SDCCAG8: variants seen among roughly 807,000 people sequenced by gnomAD.
SDCCAG8 encodes serologically defined colon cancer antigen 8.
Under a neutral mutation model 101.8 loss-of-function variants are expected in SDCCAG8, and 74 were observed. That is an observed-to-expected ratio of 0.73 (90% confidence interval 0.60 to 0.88). The LOEUF is 0.88. Ranked by LOEUF, SDCCAG8 falls within the 40% of genes least tolerant of loss-of-function variation. The pLI, the probability that SDCCAG8 is intolerant of heterozygous loss-of-function variation, is 0.00. For synonymous variants in SDCCAG8, 281 were observed against 292.9 expected, an observed-to-expected ratio of 0.96 and a Z score of 0.41; for missense variants, 787 against 822.6, an observed-to-expected ratio of 0.96 and a Z score of 0.53.
At chr1:243,488,583 AT>A (rs1665580298) in intron 16 of SDCCAG8, 1 of 230,378 alleles carries the variant, frequency 4.3e-6, no homozygotes, top group Non-Finnish European at 8.7e-6. Context: ...TGACTGAGTG[AT>A]TAATAATGGA....
At chr1:243,268,930 G>A (rs1334115742) in intron 1 of SDCCAG8, among the ~76,000 whole-genome samples, 1 of 151,222 alleles carries the variant, frequency 6.6e-6, no homozygotes, top group Non-Finnish European at 1.5e-5. Flanking sequence ...CGCGGGGAGG[G>A]CTTTTCTCTT....
chr1:243,258,153 C>A (rs1558192064), intron 1 of SDCCAG8, among the ~76,000 whole-genome samples: 1 of 151,338 alleles, frequency 6.6e-6, no homozygotes, highest in Admixed American at 6.6e-5. Context: ...AAACATTTCA[C>A]CAAGAGCAAA....
intron 9 of SDCCAG8, among the ~76,000 whole-genome samples, chr1:243,324,775 G>C (rs2074027033): frequency 1.3e-5 from 2 of 152,052 alleles, no homozygotes. Flanking sequence ...TGTTTAGGTA[G>C]CTCCCCTCTT....
At chr1:243,372,796 A>G in intron 12 of SDCCAG8, among the ~76,000 whole-genome samples, 1 of 151,584 alleles carries the variant, frequency 6.6e-6, no homozygotes, top group East Asian at 1.9e-4. Context: ...GGAGTTCAAG[A>G]CCAGCCTGCG....
At chr1:243,294,709 C>CCA in intron 6 of SDCCAG8, among the ~76,000 whole-genome samples, 1 of 136,428 alleles carries the variant, frequency 7.3e-6, no homozygotes, top group East Asian at 2.2e-4. Flanking sequence ...CCCCCCCCCC[C>CCA]ACAGCTGCCT....
chr1:243,490,236 C>G (rs1666061196), intron 17 of SDCCAG8, among the ~76,000 whole-genome samples: 1 of 152,236 alleles, frequency 6.6e-6, no homozygotes, highest in Non-Finnish European at 1.5e-5. Flanking sequence ...AGTAAATGAG[C>G]ACACCCAGGC....
chr1:243,361,453 C>A (rs1427714952), intron 12 of SDCCAG8, among the ~76,000 whole-genome samples: 2 of 152,238 alleles, frequency 1.3e-5, no homozygotes, highest in Non-Finnish European at 2.9e-5. Flanking sequence ...ACGTGAATTG[C>A]ATTGCATTGC....
intron 1 of SDCCAG8, among the ~76,000 whole-genome samples, chr1:243,263,211 CT>C (rs2149251931): frequency 6.6e-6 from 1 of 152,244 alleles, no homozygotes; most frequent in African/African-American, 2.4e-5. Context: ...TGAAAACTGT[CT>C]TGTTTTATTG....
intron 16 of SDCCAG8, among the ~76,000 whole-genome samples, chr1:243,464,825 T>C (rs1190489001): frequency 6.6e-6 from 1 of 152,242 alleles, no homozygotes; most frequent in Non-Finnish European, 1.5e-5. Context: ...GGCATTCAAG[T>C]CCTGGTCACC....
At chr1:243,256,458 C>G (rs941628817) in intron 1 of SDCCAG8, among the ~76,000 whole-genome samples, 1 of 152,260 alleles carries the variant, frequency 6.6e-6, no homozygotes, top group Non-Finnish European at 1.5e-5. Context: ...TTACCTCAAT[C>G]AACTCCTTGA....
At chr1:243,321,866 A>T (rs190034794) in intron 9 of SDCCAG8, among the ~76,000 whole-genome samples, 1 of 152,256 alleles carries the variant, frequency 6.6e-6, no homozygotes, top group African/African-American at 2.4e-5. Context: ...CCAGGCTGGT[A>T]TTGAACTCCT....
At chr1:243,471,533 G>A (rs2148191989) in intron 16 of SDCCAG8, among the ~76,000 whole-genome samples, 1 of 152,166 alleles carries the variant, frequency 6.6e-6, no homozygotes, top group East Asian at 1.9e-4. Context: ...CCCTCCACGG[G>A]GGGTCCAGGC....
intron 3 of SDCCAG8, among the ~76,000 whole-genome samples, chr1:243,273,420 G>A (rs562668441): frequency 6.9e-4 from 105 of 152,214 alleles, no homozygotes; most frequent in African/African-American, 2.4e-3. Context: ...TTAGGATAAG[G>A]TAAGCTATAC....
intron 12 of SDCCAG8, among the ~76,000 whole-genome samples, chr1:243,362,813 A>G (rs185157263): frequency 1.3e-5 from 2 of 152,352 alleles, no homozygotes; most frequent in Admixed American, 1.3e-4. Flanking sequence ...ATCAGAGCCA[A>G]CTATCATTTG....
chr1:243,490,518 G>A (rs1352080181), intron 17 of SDCCAG8, among the ~76,000 whole-genome samples: 1 of 152,244 alleles, frequency 6.6e-6, no homozygotes, highest in Non-Finnish European at 1.5e-5. Flanking sequence ...AATTATTCCA[G>A]GTTGTGTCAC....
rs114974321 is a variant in SDCCAG8, at chr1:243,285,284, A to T, written c.421-988A>T. 2.9e-3 allele frequency among the ~76,000 whole-genome samples: 436 copies of T among 152,264 alleles called. 3 individuals carry two copies. The highest frequency in any genetic ancestry group is 9.4e-3 in the African/African-American group (390 of 41,558). Reference sequence around the variant, plus strand: ...AGAGGTTTCTGATTTCCTCCTGTAAATTCTGTGTCTCAGCGTCCACCCATC... The same window carrying T: ...AGAGGTTTCTGATTTCCTCCTGTAATTTCTGTGTCTCAGCGTCCACCCATC... On this transcript the variant is annotated intron_variant, in intron 4 of 17. Transcript: ENST00000366541.
chr1:243,335,306 A>T (rs1201670559), intron 10 of SDCCAG8, among the ~76,000 whole-genome samples: 1 of 152,188 alleles, frequency 6.6e-6, no homozygotes, highest in Non-Finnish European at 1.5e-5. Flanking sequence ...ACCAATATGA[A>T]TAAGACATGG....
At chr1:243,327,432 T>G (rs2074260508) in intron 9 of SDCCAG8, among the ~76,000 whole-genome samples, 2 of 145,996 alleles carry the variant, frequency 1.4e-5, no homozygotes, top group Non-Finnish European at 3.0e-5. Flanking sequence ...AAGTTAAAAT[T>G]ATAATTTATA....
chr1:243,389,349 T>C (rs528339702), intron 13 of SDCCAG8, among the ~76,000 whole-genome samples: 7 of 152,062 alleles, frequency 4.6e-5, no homozygotes, highest in Non-Finnish European at 1.0e-4. Flanking sequence ...TCTTTGTTGT[T>C]TTACTTAGAA....
Sources: gnomAD v4.1 joint callset for allele counts (sites outside exome capture counted in the v4.1 genomes callset) on GRCh38, gnomAD v4.1.1 for gene constraint, MANE v1.5 for transcripts, NCBI Gene and HGNC (gene_info 2026-07-23, HGNC 2026-07-21) for gene names.